Variants in MIOS observed in about 807,000 individuals in gnomAD.
The protein encoded by MIOS is GATOR2 complex protein MIOS.
A neutral mutation model predicts 96.9 loss-of-function variants in MIOS; 52 were observed. The observed-to-expected ratio is 0.54, with a 90% CI of 0.43 to 0.68. The LOEUF (loss-of-function observed/expected upper bound fraction) is 0.68, where lower values mean the gene tolerates loss of function less well. Among genes scored for constraint, MIOS ranks in the 30% least tolerant of loss-of-function variants. The probability of loss-of-function intolerance (pLI) is 0.00; values close to 1 mark genes in which losing one functional copy is unlikely to be tolerated. For synonymous variants in MIOS, 397 were observed against 359.5 expected (o/e 1.10, Z -1.18); for missense variants, 1,005 against 1,052.8 (o/e 0.95, Z 0.63).
chr7:7,583,888 C>A (rs1218237571), intron 6 of MIOS, among the ~76,000 whole-genome samples: 1 of 152,066 alleles, frequency 6.6e-6, no homozygotes, highest in East Asian at 1.9e-4. Context: ...GATTAAAATA[C>A]AGTTTTCATT....
intron 5 of MIOS, among the ~76,000 whole-genome samples, chr7:7,577,220 G>A (rs1053447673): frequency 2.0e-5 from 3 of 152,162 alleles, no homozygotes; most frequent in Admixed American, 1.3e-4. Context: ...TACCAACCTA[G>A]TATACATTCA....
Position 7,573,075 on chromosome 7 carries a change from C to T in MIOS, c.600C>T (p.Leu200=), listed in dbSNP as rs1783407901. 1 of 1,614,042 alleles carries T rather than the reference C, an allele frequency of 6.2e-7. No individual in the cohort carries two copies. The highest frequency in any genetic ancestry group is 8.5e-7 in the Non-Finnish European group (1 of 1,179,932). Residue 200 remains leucine, a synonymous_variant, in exon 4 of 13, where the codon CTC becomes CTT. Coordinates refer to ENST00000340080, the MANE Select transcript of MIOS (RefSeq NM_019005.4). This position sits in a 1 kb window ranked among gnomAD's most constrained non-coding sequence, Gnocchi z 5.0. ...LCWLPRDQKL[L]LAGMHRNLAI... Reference sequence around the variant, plus strand: ...GGCTTCCACGAGACCAGAAACTTCTCCTTGCTGGTATGCATCGTAACCTAG... The same window carrying T: ...GGCTTCCACGAGACCAGAAACTTCTTCTTGCTGGTATGCATCGTAACCTAG...
At chr7:7,568,958 G>A (rs1454464981) in intron 3 of MIOS, among the ~76,000 whole-genome samples, 1 of 152,108 alleles carries the variant, frequency 6.6e-6, no homozygotes, top group Non-Finnish European at 1.5e-5. Flanking sequence ...TAAATTTTAT[G>A]CTAAAACTCG....
chr7:7,568,969 T>G (rs1385257098), intron 3 of MIOS, among the ~76,000 whole-genome samples: 1 of 152,242 alleles, frequency 6.6e-6, no homozygotes, highest in Non-Finnish European at 1.5e-5. Flanking sequence ...CTAAAACTCG[T>G]ATTTTATGTT....
intron 9 of MIOS, among the ~76,000 whole-genome samples, chr7:7,594,479 G>C (rs1189747742): frequency 6.6e-6 from 1 of 152,106 alleles, no homozygotes; most frequent in Non-Finnish European, 1.5e-5. Context: ...ATTTTTACTA[G>C]AGACAGGGTT....
chr7:7,596,652 A>G (rs1451199660), intron 11 of MIOS, among the ~76,000 whole-genome samples, 191 bp downstream of exon 11: 1 of 152,228 alleles, frequency 6.6e-6, no homozygotes, highest in Admixed American at 6.5e-5. Flanking sequence ...ATATCTATTG[A>G]TACTTCAGGT....
chr7:7,576,712 G>A (rs1274404273), intron 5 of MIOS, among the ~76,000 whole-genome samples: 1 of 152,154 alleles, frequency 6.6e-6, no homozygotes, highest in Admixed American at 6.5e-5. Context: ...ACAGATTTGT[G>A]TTTTAAAAGG....
At chr7:7,593,515 A>G (rs1784107748) in intron 9 of MIOS, among the ~76,000 whole-genome samples, 1 of 152,166 alleles carries the variant, frequency 6.6e-6, no homozygotes, top group Non-Finnish European at 1.5e-5. Context: ...ATGCCAAAGC[A>G]TCATTGGAAG....
Position 7,573,257 on chromosome 7 carries a change from T to G in MIOS, c.782T>G (p.Leu261Trp). 6.2e-7 allele frequency: 1 copy of G among 1,614,116 alleles called. No homozygotes were observed. The highest frequency in any genetic ancestry group is 8.5e-7 in the Non-Finnish European group (1 of 1,179,982). ...CTTAGAAAATTTGAGAAGCCAGTTT[T>G]GACATTGACTGAGCAACCAAAACCC... ...WDLRKFEKPV[L>W]TLTEQPKPLT... The change falls in exon 4 of 13, where the codon TTG becomes TGG. Residue 261 changes from leucine to tryptophan, a missense_variant. Physicochemically the swap from Leu to Trp is moderately conservative, Grantham distance 61. Transcript: ENST00000340080. This position sits in a 1 kb window ranked among gnomAD's most constrained non-coding sequence, Gnocchi z 5.0.
intron 11 of MIOS, among the ~76,000 whole-genome samples, chr7:7,601,678 T>C (rs567458989): frequency 1.3e-4 from 20 of 152,116 alleles, no homozygotes; most frequent in Admixed American, 3.3e-4. Context: ...TCTGAAACTA[T>C]TCCAATCAAT....
chr7:7,580,930 G>A lies in MIOS; in HGVS notation c.1394-2188G>A, dbSNP rs531703457. Among the ~76,000 whole-genome samples, 11 of 149,936 alleles carry A rather than the reference G, an allele frequency of 7.3e-5. No homozygotes were observed. The East Asian group carries it at 1.2e-3, about 16-fold the overall frequency. On this transcript the variant is annotated intron_variant, in intron 5 of 12. Coordinates refer to ENST00000340080, the MANE Select transcript of MIOS (RefSeq NM_019005.4). ...TCGAACTCCCGACCTCAGGTGATCC[G>A]CCCACCTCGTCCTCCCAAAGTGCTG... is the stretch of plus-strand genomic sequence containing the variant.
chr7:7,596,425 C>G lies in MIOS; in HGVS notation c.2365C>G (p.Leu789Val), dbSNP rs1327733398. The change falls in exon 11 of 13, where the codon CTC becomes GTC. Residue 789 changes from leucine (L) to valine (V), a missense_variant. Leu to Val is a conservative substitution (Grantham distance 32, BLOSUM62 1). Coordinates refer to ENST00000340080, the MANE Select transcript of MIOS (RefSeq NM_019005.4). ...ACCACTTCCTCGATGTGCGCTTTGT[C>G]TCATTAATATGGGAACACCAGTTTC... is the stretch of plus-strand genomic sequence containing the variant. ...RKPLPRCALCLINMGTPVSSC... is the reference protein window; with the variant it reads ...RKPLPRCALCVINMGTPVSSC... 2 of 1,613,936 alleles carry G rather than the reference C, an allele frequency of 1.2e-6. No homozygotes were observed. Among genetic ancestry groups the G allele is most frequent in the East Asian group, 4.5e-5 (2 of 44,890 alleles).
chr7:7,602,029 A>T (rs1025687933), intron 11 of MIOS, among the ~76,000 whole-genome samples: 18 of 152,234 alleles, frequency 1.2e-4, no homozygotes, highest in African/African-American at 3.9e-4. Flanking sequence ...ACAACCCTTC[A>T]TGCTAAAAAC....
At chr7:7,589,359 C>T (rs774140060) in intron 8 of MIOS, 46 bp from the exon 9 acceptor site, 2 of 1,555,330 alleles carry the variant, frequency 1.3e-6, no homozygotes, top group South Asian at 1.2e-5. Context: ...GTACAAAATA[C>T]ATAGTGAAAC....
At chr7:7,590,930 A>T (rs1364428890) in intron 9 of MIOS, among the ~76,000 whole-genome samples, 1 of 152,210 alleles carries the variant, frequency 6.6e-6, no homozygotes, top group Admixed American at 6.5e-5. Flanking sequence ...TCATTTACAC[A>T]TCCATTCCTT....
chr7:7,606,271 AT>A (rs1468791789), intron 12 of MIOS, among the ~76,000 whole-genome samples, 200 bp downstream of exon 12: 1 of 152,250 alleles, frequency 6.6e-6, no homozygotes, highest in Admixed American at 6.5e-5. Flanking sequence ...GGTAATACTT[AT>A]GTAAGAACTA....
chr7:7,584,735 A>G (rs752693334), intron 6 of MIOS, among the ~76,000 whole-genome samples: 1 of 152,172 alleles, frequency 6.6e-6, no homozygotes, highest in Admixed American at 6.5e-5. Flanking sequence ...AACTTATATA[A>G]TAAGTGTAGA....
chr7:7,597,913 C>T (rs973375051), intron 11 of MIOS, among the ~76,000 whole-genome samples: 6 of 152,076 alleles, frequency 3.9e-5, no homozygotes, highest in African/African-American at 4.8e-5. Flanking sequence ...GATCCACCTG[C>T]CTCAGCTTCC....
chr7:7,578,735 GTCTC>G (rs978774920), intron 5 of MIOS, among the ~76,000 whole-genome samples: 3 of 151,384 alleles, frequency 2.0e-5, no homozygotes, highest in South Asian at 4.2e-4. Context: ...TGGAGACAGA[GTCTC>G]TCTCTCTGTC....
Sources: allele counts gnomAD v4.1 joint callset (sites outside exome capture counted in the v4.1 genomes callset), GRCh38; gene constraint gnomAD v4.1.1; non-coding constraint Gnocchi (gnomAD v3.1); transcripts MANE v1.5; gene names NCBI Gene and HGNC (gene_info 2026-07-23, HGNC 2026-07-21).